ADAM7: variants seen among roughly 807,000 people sequenced by gnomAD.
The protein encoded by ADAM7 is ADAM metallopeptidase domain 7.
Under a neutral mutation model 102.9 loss-of-function variants are expected in ADAM7, and 97 were observed. The observed-to-expected ratio is 0.94, with a 90% confidence interval of 0.80 to 1.12. The LOEUF (loss-of-function observed/expected upper bound fraction) is 1.12, where lower values mean the gene tolerates loss of function less well. ADAM7 is among the 50% of genes most tolerant of loss of function. ADAM7 has a pLI of 0.00. For synonymous variants in ADAM7, 334 were observed against 304.4 expected (o/e 1.10, Z -1.01); for missense variants, 991 against 908.7 (o/e 1.09, Z -1.16).
intron 20 of ADAM7, among the ~76,000 whole-genome samples, chr8:24,505,904 C>T (rs938913398): frequency 1.3e-5 from 2 of 152,090 alleles, no homozygotes; most frequent in Admixed American, 6.6e-5. Flanking sequence ...GCAGACCTGC[C>T]TCATCATATT....
intron 20 of ADAM7, among the ~76,000 whole-genome samples, chr8:24,506,869 G>A (rs1437219335): frequency 1.3e-5 from 2 of 151,846 alleles, no homozygotes; most frequent in Non-Finnish European, 2.9e-5. Flanking sequence ...AGGTTACTCA[G>A]TAGAGCACCT....
At chr8:24,486,500 T>C (rs1376182952) in intron 10 of ADAM7, among the ~76,000 whole-genome samples, 3 of 152,208 alleles carry the variant, frequency 2.0e-5, no homozygotes, top group African/African-American at 7.2e-5. Flanking sequence ...ACAATCAATA[T>C]TACTTATTAT....
chr8:24,485,774 C>A (rs1820121106), intron 10 of ADAM7, among the ~76,000 whole-genome samples: 1 of 152,104 alleles, frequency 6.6e-6, no homozygotes, highest in South Asian at 2.1e-4. Flanking sequence ...CCTTTCAATT[C>A]ATTTTTAGAA....
intron 3 of ADAM7, among the ~76,000 whole-genome samples, chr8:24,447,937 A>ACAC: frequency 7.1e-6 from 1 of 140,684 alleles, no homozygotes; most frequent in East Asian, 2.3e-4. Context: ...TAAATAACAA[A>ACAC]ACACACACAC....
chr8:24,490,544 T>C, intron 12 of ADAM7: 1 of 376,298 alleles, frequency 2.7e-6, no homozygotes, highest in South Asian at 5.0e-5. Context: ...AACTGAAGAT[T>C]ATAAATGTTG....
At chr8:24,478,524 C>T (rs1427766063) in intron 8 of ADAM7, among the ~76,000 whole-genome samples, 2 of 152,204 alleles carry the variant, frequency 1.3e-5, no homozygotes, top group East Asian at 1.9e-4. Flanking sequence ...CCTAAATATA[C>T]TAGTGAAATT....
chr8:24,487,132 T>G (rs1293601680), intron 10 of ADAM7, 55 bp from the exon 11 acceptor site: 2 of 1,569,314 alleles, frequency 1.3e-6, no homozygotes, highest in Admixed American at 3.5e-5. Context: ...TGAAGCACTA[T>G]GTACTACAGT....
At chr8:24,487,151 T>G in intron 10 of ADAM7, 36 bp from the exon 11 acceptor site, 1 of 1,605,514 alleles carries the variant, frequency 6.2e-7, no homozygotes, top group Non-Finnish European at 8.5e-7. Flanking sequence ...GTATGCTAAC[T>G]TTTGAAAATT....
chr8:24,501,074 A>T (rs775459748), intron 19 of ADAM7, among the ~76,000 whole-genome samples, 179 bp downstream of exon 19: 1 of 152,156 alleles, frequency 6.6e-6, no homozygotes, highest in Non-Finnish European at 1.5e-5. Flanking sequence ...AATATCAATG[A>T]TTCCCAAACT....
chr8:24,504,380 TATC>T (rs1312745715), intron 20 of ADAM7, among the ~76,000 whole-genome samples: 1 of 150,010 alleles, frequency 6.7e-6, no homozygotes, highest in Non-Finnish European at 1.5e-5. Flanking sequence ...AAAACAACAA[TATC>T]AACAACAATC....
At chr8:24,485,213 T>C in intron 9 of ADAM7, 64 bp from the exon 10 acceptor site, 1 of 1,448,700 alleles carries the variant, frequency 6.9e-7, no homozygotes, top group Non-Finnish European at 9.7e-7. Context: ...TCACTGCAAT[T>C]TGATCTTTGT....
intron 9 of ADAM7, among the ~76,000 whole-genome samples, chr8:24,484,892 G>T (rs28483136): frequency 0.013 from 1,845 of 137,904 alleles, 37 homozygotes; most frequent in African/African-American, 0.047. Context: ...TGCAACCTCC[G>T]CCTCTCGGGT....
intron 3 of ADAM7, among the ~76,000 whole-genome samples, chr8:24,460,617 T>C (rs1819204353): frequency 6.6e-6 from 1 of 152,024 alleles, no homozygotes; most frequent in Admixed American, 6.5e-5. Context: ...CATTAAGTTA[T>C]AGTTAATGTC....
At chr8:24,464,031 T>A in intron 4 of ADAM7, 71 bp downstream of exon 4, 1 of 1,370,220 alleles carries the variant, frequency 7.3e-7, no homozygotes, top group East Asian at 2.3e-5. Context: ...GAAACCCTGT[T>A]CTAGCTGTAC....
intron 3 of ADAM7, among the ~76,000 whole-genome samples, chr8:24,456,663 A>C (rs1388329953): frequency 6.9e-6 from 1 of 145,386 alleles, no homozygotes; most frequent in African/African-American, 2.5e-5. Flanking sequence ...CGTAGATTAC[A>C]TTTGTCCATT....
intron 3 of ADAM7, among the ~76,000 whole-genome samples, chr8:24,447,965 C>T (rs1442354229): frequency 6.6e-6 from 1 of 151,500 alleles, no homozygotes; most frequent in Non-Finnish European, 1.5e-5. Context: ...CACACACACA[C>T]ACACACACAC....
intron 11 of ADAM7, among the ~76,000 whole-genome samples, chr8:24,487,754 C>T (rs944050134): frequency 2.0e-5 from 3 of 152,008 alleles, no homozygotes; most frequent in Admixed American, 2.0e-4. Context: ...AAGTCTATTC[C>T]ATAACTAGGC....
Position 24,491,952 on chromosome 8 carries a change from T to C in ADAM7, c.1406T>C (p.Phe469Ser). ...ICRPAKDECD[F>S]PEMCTGHSPA... ...AGACCGGCGAAAGATGAATGTGATT[T>C]TCCTGAGATGTGCACTGGCCACTCG... Residue 469 changes from phenylalanine to serine, a missense_variant, in exon 14 of 22, where the codon TTT (phenylalanine) becomes TCT (serine). By Grantham distance (155) the Phe-to-Ser change is radical. Transcript: ENST00000175238. 1 of 1,613,486 alleles carries C rather than the reference T, an allele frequency of 6.2e-7. No individual in the cohort carries two copies. The highest frequency in any genetic ancestry group is 8.5e-7 in the Non-Finnish European group (1 of 1,179,722).
Position 24,509,124 on chromosome 8 carries a change from G to A in ADAM7, c.*578G>A, listed in dbSNP as rs529685644. Reference sequence around the variant, plus strand: ...ATAGTCCTTAAAATAATGGTGGTGGGAAAGGAAAACACAGAATGCTCCTGG... The same window carrying A: ...ATAGTCCTTAAAATAATGGTGGTGGAAAAGGAAAACACAGAATGCTCCTGG... On this transcript the variant is annotated 3_prime_UTR_variant, in exon 22 of 22. Coordinates refer to ENST00000175238, the MANE Select transcript of ADAM7 (RefSeq NM_003817.4). 1 of 985,460 alleles carries A rather than the reference G, an allele frequency of 1.0e-6. No individual in the cohort carries two copies. Among genetic ancestry groups the A allele is most frequent in the African/African-American group, 1.7e-5 (1 of 57,354 alleles). The allele number at this position is 985,460 out of a possible 1,614,324, so 61.0% of individuals were successfully genotyped here.
Sources: gnomAD v4.1 joint callset for allele counts (sites outside exome capture counted in the v4.1 genomes callset) on GRCh38, gnomAD v4.1.1 for gene constraint, MANE v1.5 for transcripts, NCBI Gene and HGNC (gene_info 2026-07-23, HGNC 2026-07-21) for gene names.